RARB: variants seen among roughly 807,000 people sequenced by gnomAD.
The protein encoded by RARB is HBV-activated protein.
A neutral mutation model predicts 51.9 loss-of-function variants in RARB; 17 were observed. The observed-to-expected ratio is 0.33, with a 90% CI of 0.22 to 0.49. The LOEUF is 0.49. Ranked by LOEUF, RARB falls within the 20% of genes least tolerant of loss-of-function variation. The probability of loss-of-function intolerance (pLI) is 0.99; values close to 1 mark genes in which losing one functional copy is unlikely to be tolerated. For synonymous variants in RARB, 215 were observed against 195.4 expected, an observed-to-expected ratio of 1.10 and a Z score of -0.84; for missense variants, 369 against 550.8, an observed-to-expected ratio of 0.67 and a Z score of 3.30.
At chr3:25,273,572 G>A (rs1200767420) in intron 5 of RARB, among the ~76,000 whole-genome samples, 5 of 152,198 alleles carry the variant, frequency 3.3e-5, no homozygotes, top group South Asian at 2.1e-4. Flanking sequence ...GACAGTGATA[G>A]GATAGCACCT....
rs150601870 is a variant in RARB at position 24,872,455 on chromosome 3, G to C, written c.-380+13703G>C. Among the ~76,000 whole-genome samples the C allele has an allele frequency of 9.7e-3, 1,475 of 152,244 alleles. 24 individuals carry two copies. Among genetic ancestry groups the C allele is most frequent in the African/African-American group, 0.034 (1,417 of 41,540 alleles). On this transcript the variant is annotated intron_variant, in intron 2 of 11. Transcript: ENST00000383772. ...GACTGGGTAATTTATAAAGAAAAGAGGTTTATTTTGGCTTATAGTTCTTCA... is the reference window on the plus strand; with the variant it reads ...GACTGGGTAATTTATAAAGAAAAGACGTTTATTTTGGCTTATAGTTCTTCA...
intron 2 of RARB, among the ~76,000 whole-genome samples, chr3:24,918,896 T>C (rs1695161286): frequency 1.3e-5 from 2 of 151,544 alleles, no homozygotes; most frequent in South Asian, 2.1e-4. Context: ...AAAAAATAAA[T>C]AAAATTAAAT....
At chr3:25,369,480 G>C (rs1380382594) in intron 5 of RARB, among the ~76,000 whole-genome samples, 1 of 152,180 alleles carries the variant, frequency 6.6e-6, no homozygotes, top group East Asian at 1.9e-4. Context: ...AAACTAAAAA[G>C]TGGGTACCTT....
At chr3:24,997,750 T>C (rs1185017360) in intron 2 of RARB, among the ~76,000 whole-genome samples, 1 of 152,162 alleles carries the variant, frequency 6.6e-6, no homozygotes, top group East Asian at 1.9e-4. Context: ...TGTGGGAACT[T>C]ACTTTGCAGC....
intron 2 of RARB, among the ~76,000 whole-genome samples, chr3:24,966,421 A>T (rs1575095575): frequency 6.6e-6 from 1 of 152,140 alleles, no homozygotes; most frequent in East Asian, 1.9e-4. Context: ...TCTTACTATC[A>T]TTTGTACAAT....
chr3:25,277,984 C>T (rs1703433843), intron 5 of RARB, among the ~76,000 whole-genome samples: 1 of 152,198 alleles, frequency 6.6e-6, no homozygotes, highest in African/African-American at 2.4e-5. Flanking sequence ...TGTCTTCTTT[C>T]ATTCGATGTA....
At chr3:25,563,732 G>A (rs1252341001) in intron 3 of RARB, among the ~76,000 whole-genome samples, 1 of 152,170 alleles carries the variant, frequency 6.6e-6, no homozygotes, top group Non-Finnish European at 1.5e-5. Flanking sequence ...ATATATCAGT[G>A]TGTTAGTTAC....
chr3:25,356,219 G>C (rs1392852988), intron 5 of RARB, among the ~76,000 whole-genome samples: 1 of 152,050 alleles, frequency 6.6e-6, no homozygotes, highest in African/African-American at 2.4e-5. Context: ...TTCTAGCCTA[G>C]TTTCTTCCTC....
chr3:25,297,632 A>AT (rs1703947809), intron 5 of RARB, among the ~76,000 whole-genome samples: 1 of 151,780 alleles, frequency 6.6e-6, no homozygotes, highest in Non-Finnish European at 1.5e-5. Flanking sequence ...CTTCGTGGGG[A>AT]TTTTTTTCCT....
chr3:25,399,051 C>T (rs966332587), intron 5 of RARB, among the ~76,000 whole-genome samples: 2 of 152,096 alleles, frequency 1.3e-5, no homozygotes, highest in African/African-American at 4.8e-5. Context: ...AAATTCAGGG[C>T]TCTTTTCACT....
intron 2 of RARB, among the ~76,000 whole-genome samples, chr3:25,047,956 G>A (rs548243427): frequency 6.6e-6 from 1 of 152,318 alleles, no homozygotes; most frequent in East Asian, 1.9e-4. Context: ...CAGTTCTCAT[G>A]GTAGTGAATA....
chr3:25,228,217 G>GTTTTTT (rs55796125), intron 5 of RARB, among the ~76,000 whole-genome samples: 9 of 105,624 alleles, frequency 8.5e-5, no homozygotes, highest in African/African-American at 3.4e-4. Flanking sequence ...GACTTTGAGG[G>GTTTTTT]TTTTTTTTTT....
intron 3 of RARB, among the ~76,000 whole-genome samples, chr3:25,117,721 A>T (rs1211210039): frequency 6.6e-6 from 1 of 152,156 alleles, no homozygotes; most frequent in African/African-American, 2.4e-5. Flanking sequence ...CTCAAGGAAG[A>T]AGGAAGAGCA....
At chr3:25,391,525 G>C (rs538065198) in intron 5 of RARB, among the ~76,000 whole-genome samples, 1 of 152,250 alleles carries the variant, frequency 6.6e-6, no homozygotes, top group South Asian at 2.1e-4. Flanking sequence ...GTGCAAAAGT[G>C]TTCCCTTTTT....
rs184614140 is a variant in RARB at position 25,096,530 on chromosome 3, G to T, written c.-327-35631G>T. On this transcript the variant is annotated intron_variant, in intron 3 of 11. Coordinates refer to the RARB transcript ENST00000383772. ...TTTAGTAAGTTATCTATTTTTAGTT[G>T]TATCATTTTGTGTCCAATAACTGAC... is the stretch of plus-strand genomic sequence containing the variant. Among the ~76,000 whole-genome samples the T allele has an allele frequency of 6.6e-4, 100 of 152,202 alleles. 1 individual carries two copies. The East Asian group carries it at 0.016, about 24-fold the overall frequency.
chr3:25,222,846 G>A (rs1207057526), intron 5 of RARB, among the ~76,000 whole-genome samples: 1 of 152,138 alleles, frequency 6.6e-6, no homozygotes, highest in African/African-American at 2.4e-5. Context: ...AATATTGTCT[G>A]TTTAAGGCAT....
intron 5 of RARB, among the ~76,000 whole-genome samples, chr3:25,373,898 A>C (rs1392864513): frequency 6.6e-6 from 1 of 152,232 alleles, no homozygotes; most frequent in East Asian, 1.9e-4. Context: ...AAATCAGGGT[A>C]GCTCACACGT....
chr3:24,969,554 C>T (rs1335837231), intron 2 of RARB, among the ~76,000 whole-genome samples: 1 of 152,102 alleles, frequency 6.6e-6, no homozygotes, highest in East Asian at 1.9e-4. Context: ...TGAGGTTATT[C>T]TGTCTCTTTT....
chr3:25,389,556 A>C (rs1706889554), intron 5 of RARB, among the ~76,000 whole-genome samples: 1 of 152,156 alleles, frequency 6.6e-6, no homozygotes, highest in South Asian at 2.1e-4. Flanking sequence ...TCTGCTTGGC[A>C]CATAGGAAGT....
Sources: allele counts gnomAD v4.1 joint callset (sites outside exome capture counted in the v4.1 genomes callset), GRCh38; gene constraint gnomAD v4.1.1; transcripts MANE v1.5; gene names NCBI Gene and HGNC (gene_info 2026-07-23, HGNC 2026-07-21).